ROBO2: variants seen among roughly 807,000 people sequenced by gnomAD.
The protein encoded by ROBO2 is roundabout homolog 2.
Under a neutral mutation model 160.8 loss-of-function variants are expected in ROBO2, and 53 were observed. The observed-to-expected ratio is 0.33, with a 90% CI of 0.26 to 0.41. ROBO2 has a LOEUF of 0.41. Among genes scored for constraint, ROBO2 ranks in the 10% least tolerant of loss-of-function variants. The probability of loss-of-function intolerance (pLI) is 1.00; values close to 1 mark genes in which losing one functional copy is unlikely to be tolerated. For synonymous variants in ROBO2, 664 were observed against 611.7 expected, an observed-to-expected ratio of 1.09 and a Z score of -1.26; for missense variants, 1,577 against 1,722.4, an observed-to-expected ratio of 0.92 and a Z score of 1.49.
At chr3:76,807,917 A>G (rs897880896) in intron 2 of ROBO2, among the ~76,000 whole-genome samples, 12 of 152,074 alleles carry the variant, frequency 7.9e-5, no homozygotes, top group African/African-American at 2.7e-4. Flanking sequence ...GTTAATGCCT[A>G]AAGGATTTAT....
At chr3:77,647,518 G>T (rs1283667404) in exon 26 of ROBO2, 1 of 152,062 alleles carries the variant, frequency 6.6e-6, no homozygotes, top group Admixed American at 6.6e-5. Context: ...ATTAATAATT[G>T]TCCTGCCTCA....
chr3:76,527,347 CTTAA>C (rs2082002620), intron 2 of ROBO2, among the ~76,000 whole-genome samples: 1 of 152,042 alleles, frequency 6.6e-6, no homozygotes. Flanking sequence ...TATGGATTAT[CTTAA>C]TTTTTATCTG....
intron 4 of ROBO2, among the ~76,000 whole-genome samples, chr3:77,490,469 C>G (rs2085962573): frequency 6.6e-6 from 1 of 152,070 alleles, no homozygotes; most frequent in Admixed American, 6.5e-5. Context: ...CTGTTTGATT[C>G]CTTCTTTATT....
Position 76,527,842 on chromosome 3 carries a change from G to A in ROBO2, c.110-570172G>A, listed in dbSNP as rs891718248. Among the ~76,000 whole-genome samples the A allele has an allele frequency of 2.5e-4, 38 of 152,092 alleles. 1 individual carries two copies. The highest frequency in any genetic ancestry group is 2.0e-3 in the Admixed American group (31 of 15,226). On this transcript the variant is annotated intron_variant, in intron 2 of 26. Transcript: ENST00000487694. ...AGGATTCATAAAAGCTTTTACCAAA[G>A]ACAGACAGCAAAAGAGCCATAGAGC...
intron 23 of ROBO2, among the ~76,000 whole-genome samples, chr3:77,627,082 A>G (rs2095042993): frequency 6.6e-6 from 1 of 152,198 alleles, no homozygotes; most frequent in Non-Finnish European, 1.5e-5. Flanking sequence ...TTAATTTCTT[A>G]GACTACTTTT....
intron 2 of ROBO2, among the ~76,000 whole-genome samples, chr3:76,836,032 A>G (rs766488141): frequency 6.6e-6 from 1 of 152,052 alleles, no homozygotes; most frequent in Non-Finnish European, 1.5e-5. Flanking sequence ...GTTATATACT[A>G]TATTTTGATG....
chr3:76,348,217 A>G (rs2074652791), intron 2 of ROBO2, among the ~76,000 whole-genome samples: 3 of 152,118 alleles, frequency 2.0e-5, no homozygotes, highest in Non-Finnish European at 2.9e-5. Context: ...CACAGTCAGT[A>G]TCAGTCTTCA....
intron 2 of ROBO2, among the ~76,000 whole-genome samples, chr3:77,007,855 T>C (rs1008796332): frequency 7.2e-5 from 11 of 152,206 alleles, no homozygotes; most frequent in South Asian, 2.1e-4. Context: ...ATTAAAATCA[T>C]TATCCAAATG....
At chr3:77,312,535 A>G (rs535969820) in intron 2 of ROBO2, among the ~76,000 whole-genome samples, 1 of 152,348 alleles carries the variant, frequency 6.6e-6, no homozygotes, top group African/African-American at 2.4e-5. Flanking sequence ...ACATAAACCA[A>G]TATGGAAGTA....
Position 76,658,709 on chromosome 3 carries a change from C to T in ROBO2, c.110-439305C>T, listed in dbSNP as rs771360077. Among the ~76,000 whole-genome samples, 25 of 152,102 alleles carry T rather than the reference C, an allele frequency of 1.6e-4. 1 individual carries two copies. Among genetic ancestry groups the T allele is most frequent in the Admixed American group, 2.6e-4 (4 of 15,278 alleles). Reference sequence around the variant, plus strand: ...CGTAGTATTCCAAGGTGTATATGTGCCACATTTTCTTTATCCAGTCTATCA... The same window carrying T: ...CGTAGTATTCCAAGGTGTATATGTGTCACATTTTCTTTATCCAGTCTATCA... On this transcript the variant is annotated intron_variant, in intron 2 of 26. Transcript: ENST00000487694.
At position 76,513,100 on chromosome 3, in the gene ROBO2, T is replaced by C. The variant is rs531102368; in HGVS notation, c.109+575498T>C. Among the ~76,000 whole-genome samples, 89 of 152,304 alleles carry C rather than the reference T, an allele frequency of 5.8e-4. 6 individuals are homozygous for C. In the South Asian group the frequency reaches 0.017, roughly 30 times the overall value. ...TGGTACTACTACCTTAGAAAGTTGA[T>C]CAAGGAAGTTCTCTTGACAATTTGA... On this transcript the variant is annotated intron_variant, in intron 2 of 26. Transcript: ENST00000487694.
chr3:75,988,511 C>T (rs1017429056), intron 2 of ROBO2, among the ~76,000 whole-genome samples: 8 of 152,016 alleles, frequency 5.3e-5, no homozygotes, highest in African/African-American at 1.9e-4. Flanking sequence ...TTTAAATTCT[C>T]TACATCTGCT....
chr3:77,096,022 A>G (rs2071013407), intron 1 of ROBO2, among the ~76,000 whole-genome samples: 1 of 152,188 alleles, frequency 6.6e-6, no homozygotes, highest in South Asian at 2.1e-4. Flanking sequence ...GATTAAAAAA[A>G]TAGCAACTTT....
At chr3:77,104,912 A>T (rs1037568631) in intron 2 of ROBO2, among the ~76,000 whole-genome samples, 2 of 152,178 alleles carry the variant, frequency 1.3e-5, no homozygotes, top group Admixed American at 6.5e-5. Context: ...TGTAACTTCT[A>T]CTAGACTGTT....
intron 1 of ROBO2, among the ~76,000 whole-genome samples, chr3:77,076,381 CA>C (rs1472016554): frequency 1.3e-5 from 2 of 152,086 alleles, no homozygotes; most frequent in Non-Finnish European, 2.9e-5. Flanking sequence ...GGGGAAGGAA[CA>C]TATTTTAGCA....
intron 2 of ROBO2, among the ~76,000 whole-genome samples, chr3:76,663,496 A>G (rs966538326): frequency 6.6e-6 from 1 of 152,170 alleles, no homozygotes; most frequent in Non-Finnish European, 1.5e-5. Context: ...TTCCCAGTTT[A>G]ATTCTAACCA....
chr3:76,827,454 T>C (rs1576885503), intron 2 of ROBO2, among the ~76,000 whole-genome samples: 2 of 152,292 alleles, frequency 1.3e-5, no homozygotes, highest in East Asian at 3.9e-4. Context: ...CAAGATGTTC[T>C]TAAATAGAGT....
intron 2 of ROBO2, among the ~76,000 whole-genome samples, chr3:76,543,381 ATAC>A (rs2082918655): frequency 6.6e-6 from 1 of 152,152 alleles, no homozygotes; most frequent in Non-Finnish European, 1.5e-5. Context: ...CAGTAACAAC[ATAC>A]ACAGAGGAAA....
intron 2 of ROBO2, among the ~76,000 whole-genome samples, chr3:77,403,573 A>AGTGTGTGTGTGTGTGT (rs57545425): frequency 7.7e-6 from 1 of 129,434 alleles, no homozygotes; most frequent in Non-Finnish European, 1.6e-5. Flanking sequence ...TAGTTATTTC[A>AGTGTGTGTGTGTGTGT]GTGTGTGTGT....
Sources: allele counts gnomAD v4.1 joint callset (sites outside exome capture counted in the v4.1 genomes callset), GRCh38; gene constraint gnomAD v4.1.1; transcripts MANE v1.5; gene names NCBI Gene and HGNC (gene_info 2026-07-23, HGNC 2026-07-21).